The following FKBP5 variants were observed in gnomAD, a reference collection of about 807,000 sequenced individuals.
FKBP5 encodes peptidyl-prolyl cis-trans isomerase FKBP5.
In FKBP5, 23 loss-of-function variants were observed where a neutral mutation model predicts 50.5. The observed-to-expected ratio is 0.46, with a 90% CI of 0.33 to 0.65. The LOEUF is 0.65. Ranked by LOEUF, FKBP5 falls within the 30% of genes least tolerant of loss-of-function variation. The pLI, the probability that FKBP5 is intolerant of heterozygous loss-of-function variation, is 0.02. For synonymous variants in FKBP5, 176 were observed against 190.6 expected (o/e 0.92, Z 0.63); for missense variants, 411 against 553.1 (o/e 0.74, Z 2.58).
intron 5 of FKBP5, among the ~76,000 whole-genome samples, chr6:35,617,817 G>A (rs1334732532): frequency 6.6e-6 from 1 of 152,200 alleles, no homozygotes. Context: ...AGTATACACA[G>A]TGGTACATAT....
intron 5 of FKBP5, among the ~76,000 whole-genome samples, chr6:35,609,084 G>A (rs1483930021): frequency 6.6e-6 from 1 of 152,138 alleles, no homozygotes; most frequent in Non-Finnish European, 1.5e-5. Flanking sequence ...ACTGTGCCCA[G>A]GCCAGACTGT....
At chr6:35,639,071 C>G (rs7758162) in intron 2 of FKBP5, among the ~76,000 whole-genome samples, 93 of 152,290 alleles carry the variant, frequency 6.1e-4, no homozygotes, top group Admixed American at 1.6e-3. Context: ...AGGTTCTATT[C>G]ATTTTTAAAA....
At chr6:35,706,318 G>A (rs1407665534) in intron 2 of FKBP5, among the ~76,000 whole-genome samples, 17 of 151,582 alleles carry the variant, frequency 1.1e-4, no homozygotes, top group African/African-American at 3.9e-4. Context: ...CAGCTAATCC[G>A]GAGGCTGAGG....
intron 1 of FKBP5, among the ~76,000 whole-genome samples, chr6:35,677,135 G>A (rs1284638517): frequency 2.0e-5 from 3 of 152,040 alleles, no homozygotes; most frequent in Admixed American, 6.5e-5. Flanking sequence ...GTGCAGTGGC[G>A]CAATCTCGGC....
At chr6:35,718,266 G>A (rs555835993) in intron 2 of FKBP5, among the ~76,000 whole-genome samples, 4 of 152,224 alleles carry the variant, frequency 2.6e-5, no homozygotes, top group African/African-American at 4.8e-5. Context: ...GGGTGTGCTC[G>A]CGAGAGCCAG....
chr6:35,668,050 TTTTTA>T (rs1371111801), intron 1 of FKBP5, among the ~76,000 whole-genome samples: 2 of 152,210 alleles, frequency 1.3e-5, no homozygotes, highest in Non-Finnish European at 2.9e-5. Context: ...TTATAGGAAA[TTTTTA>T]TTTTATTTTC....
chr6:35,602,557 G>GT (rs1036749516), intron 5 of FKBP5, among the ~76,000 whole-genome samples: 1 of 151,978 alleles, frequency 6.6e-6, no homozygotes, highest in African/African-American at 2.4e-5. Flanking sequence ...CTTTCTGCCT[G>GT]TGTCTCCTGC....
At chr6:35,607,168 C>A (rs186205903) in intron 5 of FKBP5, among the ~76,000 whole-genome samples, 4 of 152,228 alleles carry the variant, frequency 2.6e-5, no homozygotes, top group Non-Finnish European at 4.4e-5. Context: ...GAACTCCTGA[C>A]CTCAAATGAT....
At chr6:35,579,904 C>A in intron 9 of FKBP5, 132 bp downstream of exon 9, 1 of 640,504 alleles carries the variant, frequency 1.6e-6, no homozygotes, top group Non-Finnish European at 2.6e-6. Flanking sequence ...ACAAATAATC[C>A]CAAACATTCA....
At chr6:35,600,487 G>T (rs1763114340) in intron 5 of FKBP5, among the ~76,000 whole-genome samples, 1 of 151,322 alleles carries the variant, frequency 6.6e-6, no homozygotes, top group Non-Finnish European at 1.5e-5. Flanking sequence ...TAAAAAGTTT[G>T]CATTTCTAAA....
chr6:35,633,414 G>A (rs1405463711), intron 3 of FKBP5, among the ~76,000 whole-genome samples: 6 of 151,550 alleles, frequency 4.0e-5, no homozygotes, highest in Non-Finnish European at 5.9e-5. Context: ...GTGGTGGGGC[G>A]CGCCTGAAGT....
chr6:35,652,334 A>G (rs556685741), intron 1 of FKBP5, among the ~76,000 whole-genome samples: 14 of 152,368 alleles, frequency 9.2e-5, no homozygotes, highest in African/African-American at 3.4e-4. Context: ...TAAGAGAGAT[A>G]ACCTTAAACT....
rs1762854414 is a variant in FKBP5 at position 35,592,567 on chromosome 6, T to C, written c.666-1347A>G. ...TACCTTGTTTCTGCCATCTAATAAA[T>C]TTTAAAAAAATTCCTTAACTACCCA... On this transcript the variant is annotated intron_variant, in intron 6 of 10. Transcript: ENST00000357266. Among the ~76,000 whole-genome samples, 2 of 152,224 alleles carry C rather than the reference T, an allele frequency of 1.3e-5. 1 individual carries two copies. Among genetic ancestry groups the C allele is most frequent in the Non-Finnish European group, 2.9e-5 (2 of 68,034 alleles).
intron 7 of FKBP5, among the ~76,000 whole-genome samples, chr6:35,589,134 T>C (rs1230124810): frequency 7.0e-6 from 1 of 142,008 alleles, no homozygotes; most frequent in Admixed American, 7.2e-5. Context: ...ATATATTTTT[T>C]TTTTTTTCCT....
chr6:35,628,903 G>C (rs1764073653), intron 3 of FKBP5, among the ~76,000 whole-genome samples: 1 of 152,134 alleles, frequency 6.6e-6, no homozygotes, highest in African/African-American at 2.4e-5. Context: ...TTGTAGTAGA[G>C]ACAGGGTTTC....
chr6:35,655,150 C>A (rs566862858), intron 1 of FKBP5, among the ~76,000 whole-genome samples: 4 of 151,984 alleles, frequency 2.6e-5, no homozygotes. Context: ...AGTGAGACCC[C>A]ATGTCTAAAA....
intron 1 of FKBP5, among the ~76,000 whole-genome samples, chr6:35,648,257 G>A (rs1764684798): frequency 6.6e-6 from 1 of 151,990 alleles, no homozygotes; most frequent in Non-Finnish European, 1.5e-5. Flanking sequence ...TTCTTTGATG[G>A]AATTTTTATT....
At position 35,696,467 on chromosome 6, in the gene FKBP5, A is replaced by G. The variant is rs137986902; in HGVS notation, c.-20+23861T>C. On this transcript the variant is annotated intron_variant, in intron 2 of 11. Transcript: ENST00000536438. ...TTGGAGGCTGCAGTAAACTGAGATC[A>G]TGCCACTGTACTCCAGCCTGGGCAA... 2.8e-3 allele frequency among the ~76,000 whole-genome samples: 426 copies of G among 150,428 alleles called. 1 individual carries two copies. Among genetic ancestry groups the G allele is most frequent in the African/African-American group, 9.8e-3 (400 of 40,934 alleles).
chr6:35,586,619 A>AG, intron 8 of FKBP5: 1 of 983,286 alleles, frequency 1.0e-6, no homozygotes, highest in Non-Finnish European at 1.2e-6. Context: ...AAAAAAAAAA[A>AG]GGAAGAAAGA....
Sources: gnomAD v4.1 joint callset for allele counts (sites outside exome capture counted in the v4.1 genomes callset) on GRCh38, gnomAD v4.1.1 for gene constraint, MANE v1.5 for transcripts, NCBI Gene and HGNC (gene_info 2026-07-23, HGNC 2026-07-21) for gene names.